Variants in DLGAP1 observed in about 807,000 individuals in gnomAD.
DLGAP1 encodes the protein DLG associated protein 1.
Under a neutral mutation model 90.8 loss-of-function variants are expected in DLGAP1, and 11 were observed. The observed-to-expected ratio is 0.12, with a 90% CI of 0.08 to 0.20. The LOEUF is 0.20. DLGAP1 is among the 10% of genes least tolerant of loss of function. The pLI is 1.00. For missense variants in DLGAP1, 1,050 were observed against 1,333.8 expected, an observed-to-expected ratio of 0.79 and a Z score of 3.31; for synonymous variants, 558 against 540.7, an observed-to-expected ratio of 1.03 and a Z score of -0.44.
intron 1 of DLGAP1, among the ~76,000 whole-genome samples, chr18:4,213,395 A>G (rs2077887416): frequency 6.6e-6 from 1 of 152,136 alleles, no homozygotes; most frequent in Non-Finnish European, 1.5e-5. Flanking sequence ...CAGGAGGAAG[A>G]ATGGAAAGGA....
rs574780031 is a variant in DLGAP1, at chr18:3,883,523, C to T, written c.-72-3383G>A. On this transcript the variant is annotated intron_variant, in intron 3 of 12. Transcript: ENST00000315677. ...TGTTAGTCTACTAAATTGTGACGTCCTTAAGGGTAGGGACTATGTTTCACC... is the reference window on the plus strand; with the variant it reads ...TGTTAGTCTACTAAATTGTGACGTCTTTAAGGGTAGGGACTATGTTTCACC... 3.6e-4 allele frequency among the ~76,000 whole-genome samples: 55 copies of T among 152,308 alleles called. No homozygotes were observed. The South Asian group carries it at 0.011, about 32-fold the overall frequency.
At chr18:3,806,196 C>T (rs1223098648) in intron 5 of DLGAP1, among the ~76,000 whole-genome samples, 2 of 152,062 alleles carry the variant, frequency 1.3e-5, no homozygotes, top group Non-Finnish European at 2.9e-5. Flanking sequence ...ACTATGCTGA[C>T]AAAATAGTAA....
intron 7 of DLGAP1, among the ~76,000 whole-genome samples, chr18:3,631,005 G>A (rs888068787): frequency 6.6e-6 from 1 of 152,016 alleles, no homozygotes; most frequent in African/African-American, 2.4e-5. Flanking sequence ...TTATGAGACT[G>A]AGTCTCCTTC....
chr18:3,750,662 G>A (rs945832830), intron 5 of DLGAP1, among the ~76,000 whole-genome samples: 3 of 152,052 alleles, frequency 2.0e-5, no homozygotes, highest in Admixed American at 6.6e-5. Flanking sequence ...TAGTTACTTC[G>A]ACACTCTCTT....
chr18:3,910,289 C>T (rs528843771), intron 3 of DLGAP1, among the ~76,000 whole-genome samples: 187 of 151,896 alleles, frequency 1.2e-3, no homozygotes, highest in African/African-American at 4.5e-3. Context: ...CCCTACATCT[C>T]CATTTTCCAA....
At chr18:3,561,673 T>C (rs12957918) in intron 9 of DLGAP1, among the ~76,000 whole-genome samples, 10,375 of 150,838 alleles carry the variant, frequency 0.069, 554 homozygotes, top group Middle Eastern at 0.13. Context: ...CTCCTAATAC[T>C]TTAAATATTT....
intron 2 of DLGAP1, among the ~76,000 whole-genome samples, chr18:4,030,846 C>T (rs965057685): frequency 2.6e-5 from 4 of 151,950 alleles, no homozygotes; most frequent in Admixed American, 6.6e-5. Flanking sequence ...TGCTTGAGCC[C>T]GGGGAGGCGG....
At chr18:4,064,293 C>A (rs1038958686) in intron 2 of DLGAP1, among the ~76,000 whole-genome samples, 1 of 151,768 alleles carries the variant, frequency 6.6e-6, no homozygotes. Context: ...GCCCCTCAAC[C>A]AACTGAAGGG....
Position 3,778,592 on chromosome 18 carries a change from T to C in DLGAP1, c.1172+35467A>G, listed in dbSNP as rs191639184. ...TTCAGGGCTGCTGGGGATCTCTCAC[T>C]AGAAGGCCCAGGCAGGGAGACCTGT... is the stretch of plus-strand genomic sequence containing the variant. On this transcript the variant is annotated intron_variant, in intron 5 of 12. Transcript: ENST00000315677. 3.3e-5 allele frequency among the ~76,000 whole-genome samples: 5 copies of C among 152,154 alleles called. No homozygotes were observed. In the East Asian group the frequency reaches 9.7e-4, roughly 29 times the overall value.
intron 7 of DLGAP1, among the ~76,000 whole-genome samples, chr18:3,591,656 T>TCA (rs2056254422): frequency 6.6e-6 from 1 of 151,012 alleles, no homozygotes; most frequent in Non-Finnish European, 1.5e-5. Context: ...TGAGCCAAGA[T>TCA]CACACCACTC....
chr18:3,643,452 A>G (rs1339144299), intron 7 of DLGAP1, among the ~76,000 whole-genome samples: 1 of 152,108 alleles, frequency 6.6e-6, no homozygotes, highest in Non-Finnish European at 1.5e-5. Context: ...TCACGAGGTC[A>G]GGAGATCGAG....
Position 3,819,560 on chromosome 18 carries a change from ATCATG to A in DLGAP1, c.958-5292_958-5288del, listed in dbSNP as rs561046995. 1.2e-4 allele frequency among the ~76,000 whole-genome samples: 19 copies of A among 152,338 alleles called. No individual in the cohort carries two copies. In the South Asian group the frequency reaches 3.1e-3, roughly 25 times the overall value. On this transcript the variant is annotated intron_variant, in intron 4 of 12. Transcript: ENST00000315677. ...CAAATTAATATAAGCAATTACATTT[ATCATG>A]TCATGAGTTTGGAAAAAAACATAAG...
In DLGAP1 at chr18:4,431,744, A is replaced by G. The variant is rs1268883559; in HGVS notation, c.-267+23262T>C. Among the ~76,000 whole-genome samples the G allele has an allele frequency of 2.0e-5, 3 of 152,316 alleles. No homozygotes were observed. The East Asian group carries it at 5.8e-4, about 29-fold the overall frequency. On this transcript the variant is annotated intron_variant, in intron 1 of 12. Transcript: ENST00000315677. Reference sequence around the variant, plus strand: ...TTTTCTGATTTTCACCTTTGAGATTACTGGTAATGATCAAGACACTCTGAA... The same window carrying G: ...TTTTCTGATTTTCACCTTTGAGATTGCTGGTAATGATCAAGACACTCTGAA...
intron 5 of DLGAP1, among the ~76,000 whole-genome samples, chr18:3,762,663 C>G (rs1162562855): frequency 6.6e-6 from 1 of 152,146 alleles, no homozygotes; most frequent in East Asian, 1.9e-4. Context: ...TCTATCTGAA[C>G]TCACTATCAG....
intron 7 of DLGAP1, among the ~76,000 whole-genome samples, chr18:3,651,972 CACAACAACAACA>C (rs916829706): frequency 6.1e-5 from 9 of 147,514 alleles, no homozygotes; most frequent in African/African-American, 2.3e-4. Context: ...CTGTCTCAAA[CACAACAACAACA>C]ACAACAACAA....
intron 7 of DLGAP1, among the ~76,000 whole-genome samples, chr18:3,632,601 C>G (rs759170230): frequency 1.3e-5 from 2 of 152,180 alleles, no homozygotes; most frequent in Non-Finnish European, 2.9e-5. Flanking sequence ...TCATGCCCAT[C>G]CTAATTCTTA....
intron 4 of DLGAP1, among the ~76,000 whole-genome samples, chr18:3,827,078 T>C (rs1001681301): frequency 6.6e-6 from 1 of 152,012 alleles, no homozygotes; most frequent in Non-Finnish European, 1.5e-5. Flanking sequence ...AGGAGTTCAG[T>C]TTGGGATGTA....
intron 1 of DLGAP1, among the ~76,000 whole-genome samples, chr18:4,280,171 TA>T (rs1242436303): frequency 6.6e-6 from 1 of 152,160 alleles, no homozygotes; most frequent in Non-Finnish European, 1.5e-5. Context: ...ATAAGTTGAT[TA>T]AAAAAATGTA....
chr18:3,531,794 A>G (rs1599089252), intron 10 of DLGAP1, among the ~76,000 whole-genome samples: 3 of 151,870 alleles, frequency 2.0e-5, no homozygotes, highest in African/African-American at 7.3e-5. Context: ...ATGATTATAC[A>G]TATAAAAAAT....
Sources: allele counts gnomAD v4.1 joint callset (sites outside exome capture counted in the v4.1 genomes callset), GRCh38; gene constraint gnomAD v4.1.1; transcripts MANE v1.5; gene names NCBI Gene and HGNC (gene_info 2026-07-23, HGNC 2026-07-21).